The following TRHDE variants were observed in gnomAD, a reference collection of about 807,000 sequenced individuals.
TRHDE encodes the protein thyrotropin-releasing hormone-degrading ectoenzyme.
A neutral mutation model predicts 125.7 loss-of-function variants in TRHDE; 72 were observed. The ratio of observed to expected loss-of-function variants is 0.57; its 90% CI spans 0.47 to 0.70. TRHDE has a LOEUF of 0.70. Ranked by LOEUF, TRHDE falls within the 30% of genes least tolerant of loss-of-function variation. The probability of loss-of-function intolerance (pLI) is 0.00; values close to 1 mark genes in which losing one functional copy is unlikely to be tolerated. For synonymous variants in TRHDE, 509 were observed against 509.1 expected (o/e 1.00, Z 0.00); for missense variants, 1,110 against 1,327.1 (o/e 0.84, Z 2.54).
intron 3 of TRHDE, among the ~76,000 whole-genome samples, chr12:72,414,021 T>C (rs1157352096): frequency 6.6e-6 from 1 of 152,122 alleles, no homozygotes; most frequent in Non-Finnish European, 1.5e-5. Flanking sequence ...TTCACTTTAG[T>C]ATTTATATAG....
At position 72,575,345 on chromosome 12, in the gene TRHDE, G is replaced by A. The variant is rs1324392097; in HGVS notation, c.2222G>A (p.Arg741Lys). The A allele has an allele frequency of 3.7e-6, 6 of 1,613,598 alleles. No homozygotes were observed. The highest frequency in any genetic ancestry group is 5.1e-6 in the Non-Finnish European group (6 of 1,179,700). ...TATTTTAGAGTCAACTATGACCTAAGGAACTGGAGATTATTAATTGATCAA... is the reference window on the plus strand; with the variant it reads ...TATTTTAGAGTCAACTATGACCTAAAGAACTGGAGATTATTAATTGATCAA... ...TGYFRVNYDLRNWRLLIDQLI... is the reference protein window; with the variant it reads ...TGYFRVNYDLKNWRLLIDQLI... Residue 741 changes from arginine (R) to lysine (K), a missense_variant, in exon 11 of 19, where the codon AGG becomes AAG. Transcript: ENST00000261180.
Position 72,101,920 on chromosome 12 carries a change from A to G in TRHDE, n.175-3728A>G, listed in dbSNP as rs554914131. Among the ~76,000 whole-genome samples, 3 of 152,376 alleles carry G rather than the reference A, an allele frequency of 2.0e-5. No individual in the cohort carries two copies. In the East Asian group the frequency reaches 5.8e-4, roughly 29 times the overall value. On this transcript the variant is annotated intron_variant and non_coding_transcript_variant, in intron 1 of 4. Transcript: ENST00000548156. Reference sequence around the variant, plus strand: ...AGAGGCAAAGTTCCTTTCTAAATCCAAAACATAATTAATTATAAAGGTAGC... The same window carrying G: ...AGAGGCAAAGTTCCTTTCTAAATCCGAAACATAATTAATTATAAAGGTAGC...
intron 2 of TRHDE, among the ~76,000 whole-genome samples, chr12:72,235,740 G>T (rs1027924046): frequency 6.6e-6 from 1 of 151,914 alleles, no homozygotes; most frequent in Non-Finnish European, 1.5e-5. Context: ...GCTTCCCAGG[G>T]TATGCTTCTC....
chr12:72,539,625 TAAAATA>T (rs1488479721), intron 6 of TRHDE, among the ~76,000 whole-genome samples: 2 of 151,824 alleles, frequency 1.3e-5, no homozygotes, highest in Non-Finnish European at 2.9e-5. Flanking sequence ...GGCTACAATG[TAAAATA>T]AAAGAAAATT....
At chr12:72,512,483 T>A (rs1162373241) in intron 6 of TRHDE, among the ~76,000 whole-genome samples, 1 of 139,482 alleles carries the variant, frequency 7.2e-6, no homozygotes, top group Admixed American at 7.7e-5. Context: ...TATAATTATA[T>A]AATAATAATA....
chr12:72,194,011 T>C (rs1877389235), intron 2 of TRHDE, among the ~76,000 whole-genome samples: 1 of 152,102 alleles, frequency 6.6e-6, no homozygotes, highest in Non-Finnish European at 1.5e-5. Context: ...TGTCATCTAT[T>C]ATTTGCATTT....
At chr12:72,560,006 A>G (rs1321036367) in intron 7 of TRHDE, among the ~76,000 whole-genome samples, 1 of 151,944 alleles carries the variant, frequency 6.6e-6, no homozygotes, top group African/African-American at 2.4e-5. Context: ...GGAATTAATG[A>G]AAAAAAATAG....
At chr12:72,440,849 A>C (rs1178264677) in intron 3 of TRHDE, among the ~76,000 whole-genome samples, 1 of 152,080 alleles carries the variant, frequency 6.6e-6, no homozygotes, top group East Asian at 1.9e-4. Flanking sequence ...AGCAACCAGG[A>C]CTTCAATTTC....
At chr12:72,157,955 G>A (rs1218455671) in intron 2 of TRHDE, among the ~76,000 whole-genome samples, 2 of 152,156 alleles carry the variant, frequency 1.3e-5, no homozygotes. Flanking sequence ...GGAGAAAGGT[G>A]AGAAAGGTGT....
chr12:72,285,613 C>T (rs943840659), intron 1 of TRHDE, among the ~76,000 whole-genome samples: 3 of 151,020 alleles, frequency 2.0e-5, no homozygotes, highest in Admixed American at 6.6e-5. Context: ...CTCTGCCTCC[C>T]GAGTTCAAGT....
intron 2 of TRHDE, among the ~76,000 whole-genome samples, chr12:72,152,566 G>A (rs576801483): frequency 2.0e-5 from 3 of 152,242 alleles, no homozygotes; most frequent in Non-Finnish European, 2.9e-5. Context: ...TTTGAGATAC[G>A]TCCCATCAAT....
chr12:72,576,383 CT>C (rs982991418), intron 12 of TRHDE, among the ~76,000 whole-genome samples: 1 of 151,928 alleles, frequency 6.6e-6, no homozygotes, highest in African/African-American at 2.4e-5. Flanking sequence ...TAGTAATAGG[CT>C]TTTTTTCATG....
rs372181322 is a variant in TRHDE, at chr12:72,668,745, T to G, written c.*5550T>G. On this transcript the variant is annotated 3_prime_UTR_variant, in exon 19 of 19. Transcript: ENST00000261180. ...TCATTAGCTCTAATTCACCAAAGAG[T>G]AGATGGAGGCAGAGTTGTTATCAGT... is the stretch of plus-strand genomic sequence containing the variant. 6.6e-6 allele frequency: 1 copy of G among 151,502 alleles called. No homozygotes were observed. The highest frequency in any genetic ancestry group is 1.5e-5 in the Non-Finnish European group (1 of 67,754). 9.4% of individuals were successfully genotyped at this position (151,502 alleles called of 1,614,324 possible).
At chr12:72,655,898 A>G (rs1397927247) in intron 17 of TRHDE, among the ~76,000 whole-genome samples, 1 of 152,134 alleles carries the variant, frequency 6.6e-6, no homozygotes. Context: ...TCAGAATTAC[A>G]ACAAATCTCA....
chr12:72,218,471 A>G (rs1276941151), intron 2 of TRHDE, among the ~76,000 whole-genome samples: 3 of 152,116 alleles, frequency 2.0e-5, no homozygotes, highest in African/African-American at 7.2e-5. Flanking sequence ...AATTTGAATA[A>G]CCCCATGTAT....
chr12:72,465,928 G>A (rs1329171992), intron 3 of TRHDE, among the ~76,000 whole-genome samples: 3 of 152,074 alleles, frequency 2.0e-5, no homozygotes, highest in African/African-American at 7.2e-5. Context: ...TAAAACCTGT[G>A]TGTATATAAG....
intron 2 of TRHDE, among the ~76,000 whole-genome samples, chr12:72,216,026 G>A (rs1877883407): frequency 6.6e-6 from 1 of 152,148 alleles, no homozygotes; most frequent in Non-Finnish European, 1.5e-5. Flanking sequence ...ATGACATTAG[G>A]CAAGTTAGTC....
chr12:72,328,308 A>G (rs1565700427), intron 2 of TRHDE, among the ~76,000 whole-genome samples: 1 of 152,200 alleles, frequency 6.6e-6, no homozygotes, highest in Non-Finnish European at 1.5e-5. Context: ...ATTGTAAGTA[A>G]CTGCCTAATT....
At chr12:72,293,641 A>T (rs1325590296) in intron 2 of TRHDE, among the ~76,000 whole-genome samples, 1 of 152,200 alleles carries the variant, frequency 6.6e-6, no homozygotes, top group Non-Finnish European at 1.5e-5. Context: ...ATAGGGAGTG[A>T]GTTGATTGCC....
Sources: gnomAD v4.1 joint callset for allele counts (sites outside exome capture counted in the v4.1 genomes callset) on GRCh38, gnomAD v4.1.1 for gene constraint, MANE v1.5 for transcripts, NCBI Gene and HGNC (gene_info 2026-07-23, HGNC 2026-07-21) for gene names.